CTNNA3: variants seen among roughly 807,000 people sequenced by gnomAD.
CTNNA3 encodes the protein catenin alpha 3.
A neutral mutation model predicts 95.7 loss-of-function variants in CTNNA3; 76 were observed. The ratio of observed to expected loss-of-function variants is 0.79; its 90% confidence interval spans 0.66 to 0.96. The LOEUF is 0.96. Among genes scored for constraint, CTNNA3 ranks in the 40% least tolerant of loss-of-function variants. The pLI, the probability that CTNNA3 is intolerant of heterozygous loss-of-function variation, is 0.00. For synonymous variants in CTNNA3, 431 were observed against 374.4 expected (o/e 1.15, Z -1.74); for missense variants, 1,191 against 1,089.8 (o/e 1.09, Z -1.31).
chr10:66,023,104 T>C (rs1229882244), intron 15 of CTNNA3, among the ~76,000 whole-genome samples: 1 of 152,146 alleles, frequency 6.6e-6, no homozygotes, highest in Non-Finnish European at 1.5e-5. Flanking sequence ...AAACCAACCA[T>C]CTCTAGTACT....
intron 7 of CTNNA3, among the ~76,000 whole-genome samples, chr10:67,058,471 T>C (rs1213686582): frequency 1.3e-5 from 2 of 152,200 alleles, no homozygotes; most frequent in Non-Finnish European, 2.9e-5. Context: ...GTAAACAACA[T>C]TTGAAGTAAA....
At chr10:66,144,479 ATATT>A (rs1198664387) in intron 13 of CTNNA3, among the ~76,000 whole-genome samples, 1 of 151,512 alleles carries the variant, frequency 6.6e-6, no homozygotes, top group Non-Finnish European at 1.5e-5. Flanking sequence ...TGGTTAATTT[ATATT>A]TATTTATTTA....
At chr10:66,474,581 G>A (rs1026894139) in intron 11 of CTNNA3, among the ~76,000 whole-genome samples, 3 of 151,948 alleles carry the variant, frequency 2.0e-5, no homozygotes, top group African/African-American at 7.2e-5. Context: ...AATGATGGAT[G>A]ATCCCATAGC....
chr10:66,238,946 A>G (rs998329449), intron 13 of CTNNA3, among the ~76,000 whole-genome samples: 5 of 151,990 alleles, frequency 3.3e-5, no homozygotes, highest in African/African-American at 1.2e-4. Context: ...TGTATTTATG[A>G]GGAGGTTATA....
intron 15 of CTNNA3, among the ~76,000 whole-genome samples, chr10:66,065,843 G>A (rs1021544141): frequency 1.3e-5 from 2 of 151,672 alleles, no homozygotes; most frequent in Non-Finnish European, 2.9e-5. Flanking sequence ...CACTTACCAA[G>A]TTATTATTAT....
intron 13 of CTNNA3, among the ~76,000 whole-genome samples, chr10:66,231,908 A>T (rs149960537): frequency 1.7e-3 from 261 of 152,310 alleles, no homozygotes; most frequent in African/African-American, 5.8e-3. Flanking sequence ...TTACAAGATC[A>T]AATTAGTATT....
chr10:67,312,913 A>G (rs1463289789), intron 5 of CTNNA3, among the ~76,000 whole-genome samples: 1 of 152,232 alleles, frequency 6.6e-6, no homozygotes, highest in East Asian at 1.9e-4. Flanking sequence ...GTAATTTGTT[A>G]GAAATTAAAG....
intron 5 of CTNNA3, among the ~76,000 whole-genome samples, chr10:67,447,791 G>T (rs1186474538): frequency 6.6e-6 from 1 of 152,104 alleles, no homozygotes; most frequent in Non-Finnish European, 1.5e-5. Flanking sequence ...CTCTGACCAG[G>T]ATAAAGTCTC....
In CTNNA3 at chr10:67,303,810, C is replaced by T. The variant is rs929707470; in HGVS notation, c.580-83940G>A. 5.9e-5 allele frequency among the ~76,000 whole-genome samples: 9 copies of T among 152,038 alleles called. No individual in the cohort carries two copies. The South Asian group carries it at 8.3e-4, about 14-fold the overall frequency. On this transcript the variant is annotated intron_variant, in intron 5 of 17. Coordinates refer to ENST00000433211, the MANE Select transcript of CTNNA3 (RefSeq NM_013266.4). ...TTTAAGTCTCTCCTTGTTTCCATGC[C>T]GCATCTGCTAAGTGAGGATCTAACC... is the stretch of plus-strand genomic sequence containing the variant.
intron 11 of CTNNA3, among the ~76,000 whole-genome samples, chr10:66,467,466 T>G (rs1468573444): frequency 2.0e-5 from 3 of 152,052 alleles, no homozygotes; most frequent in Non-Finnish European, 4.4e-5. Flanking sequence ...CCAGGGAGTA[T>G]GATCTGACTT....
intron 15 of CTNNA3, among the ~76,000 whole-genome samples, chr10:66,045,419 G>T (rs2079808756): frequency 6.6e-6 from 1 of 151,980 alleles, no homozygotes; most frequent in African/African-American, 2.4e-5. Context: ...CCCCTTAATT[G>T]TCCTTAAAAT....
intron 7 of CTNNA3, among the ~76,000 whole-genome samples, chr10:66,839,213 T>G (rs1437699180): frequency 6.6e-6 from 1 of 152,184 alleles, no homozygotes; most frequent in Non-Finnish European, 1.5e-5. Flanking sequence ...CTTTCAAATC[T>G]GATTCTCTTT....
At chr10:66,900,965 T>A (rs982495752) in intron 7 of CTNNA3, among the ~76,000 whole-genome samples, 3 of 152,204 alleles carry the variant, frequency 2.0e-5, no homozygotes, top group African/African-American at 7.2e-5. Flanking sequence ...CAGGATATTA[T>A]GCAGGAGAAC....
intron 7 of CTNNA3, among the ~76,000 whole-genome samples, chr10:66,833,696 A>G (rs1842800475): frequency 6.6e-6 from 1 of 152,200 alleles, no homozygotes; most frequent in East Asian, 1.9e-4. Context: ...TGTCAAATAC[A>G]TGACTGAGAT....
intron 1 of CTNNA3, chr10:67,750,726 G>C: frequency 6.3e-7 from 1 of 1,579,344 alleles, no homozygotes; most frequent in Non-Finnish European, 8.7e-7. Flanking sequence ...TGGAGGAGCT[G>C]GTGGATGAGG....
intron 7 of CTNNA3, among the ~76,000 whole-genome samples, chr10:66,834,075 G>A (rs1842814804): frequency 6.6e-6 from 1 of 152,112 alleles, no homozygotes; most frequent in African/African-American, 2.4e-5. Context: ...TCCTTGGTAT[G>A]TCTCCCTGGT....
chr10:67,254,597 A>G (rs1283501360), intron 5 of CTNNA3, among the ~76,000 whole-genome samples: 7 of 152,220 alleles, frequency 4.6e-5, no homozygotes, highest in African/African-American at 1.4e-4. Flanking sequence ...TAATATCATC[A>G]TGTACAACAA....
intron 1 of CTNNA3, among the ~76,000 whole-genome samples, chr10:67,738,169 G>T (rs965141462): frequency 1.6e-4 from 24 of 152,268 alleles, no homozygotes; most frequent in African/African-American, 5.3e-4. Flanking sequence ...CACAACACCA[G>T]GAGGGGCCGA....
At chr10:66,131,371 C>A (rs1382362088) in intron 13 of CTNNA3, among the ~76,000 whole-genome samples, 1 of 152,142 alleles carries the variant, frequency 6.6e-6, no homozygotes, top group South Asian at 2.1e-4. Context: ...CCACCACAAT[C>A]AAGAATGCTT....
Sources: allele counts gnomAD v4.1 joint callset (sites outside exome capture counted in the v4.1 genomes callset), GRCh38; gene constraint gnomAD v4.1.1; transcripts MANE v1.5; gene names NCBI Gene and HGNC (gene_info 2026-07-23, HGNC 2026-07-21).